The following GUCY2F variants were observed in gnomAD, a reference collection of about 807,000 sequenced individuals.
The protein encoded by GUCY2F is retinal guanylyl cyclase 2.
Under a neutral mutation model 73.1 loss-of-function variants are expected in GUCY2F, and 61 were observed. The ratio of observed to expected loss-of-function variants is 0.83; its 90% confidence interval spans 0.68 to 1.03. The LOEUF is 1.03. GUCY2F is among the 50% of genes least tolerant of loss of function. GUCY2F has a pLI of 0.00. For missense variants in GUCY2F, 912 were observed against 854.3 expected, an observed-to-expected ratio of 1.07 and a Z score of -0.84; for synonymous variants, 331 against 307.8, an observed-to-expected ratio of 1.08 and a Z score of -0.79.
chrX:109,375,756 A>G, intron 19 of GUCY2F, 142 bp downstream of exon 19: 3 of 514,028 alleles, frequency 5.8e-6, no homozygotes, highest in Non-Finnish European at 1.0e-5. Flanking sequence ...GTTTTCACCC[A>G]TTTTATTAGA....
At position 109,453,759 on chromosome X, in the gene GUCY2F, A is replaced by T. The variant is rs748101818; in HGVS notation, c.1133T>A (p.Leu378Gln). 2 of 1,200,596 alleles carry T rather than the reference A, an allele frequency of 1.7e-6. No homozygotes were observed. Among genetic ancestry groups the T allele is most frequent in the African/African-American group, 3.5e-5 (2 of 57,148 alleles). The part of the protein sequence containing the change: ...KENGQAGAAS[L>Q]VQHSRNMQFH... ...CTGCATGTTTCTGGAATGCTGAACCAGGCTGGCAGCACCAGCCTGTCCATT... is the reference window on the plus strand; with the variant it reads ...CTGCATGTTTCTGGAATGCTGAACCTGGCTGGCAGCACCAGCCTGTCCATT... Residue 378 changes from leucine (L) to glutamine (Q), a missense_variant, in exon 4 of 20, where the codon CTG becomes CAG. By Grantham distance (113) the Leu-to-Gln change is moderately radical. Transcript: ENST00000218006.
At chrX:109,450,142 C>G (rs970635302) in intron 5 of GUCY2F, among the ~76,000 whole-genome samples, 1 of 110,810 alleles carries the variant, frequency 9.0e-6, no homozygotes, top group Non-Finnish European at 1.9e-5. Context: ...TCTTTCCCAT[C>G]TCTGAGTTTT....
At chrX:109,452,202 C>T in intron 4 of GUCY2F, 95 bp from the exon 5 acceptor site, 2 of 552,323 alleles carry the variant, frequency 3.6e-6, no homozygotes, top group Non-Finnish European at 6.3e-6. Context: ...TTTCTGGTGA[C>T]TCTAATATCA....
At chrX:109,425,958 T>C (rs186912063) in intron 8 of GUCY2F, among the ~76,000 whole-genome samples, 102 of 111,264 alleles carry the variant, frequency 9.2e-4, no homozygotes, top group African/African-American at 3.2e-3. Flanking sequence ...AGCTTTGATG[T>C]ATGGGTGGTA....
At chrX:109,410,194 G>A (rs2147261312) in intron 8 of GUCY2F, among the ~76,000 whole-genome samples, 1 of 112,224 alleles carries the variant, frequency 8.9e-6, no homozygotes, top group African/African-American at 3.2e-5. Context: ...TGTTACAGCA[G>A]CAGTAGAAAA....
At chrX:109,466,538 A>C (rs1001834819) in intron 2 of GUCY2F, among the ~76,000 whole-genome samples, 1 of 111,689 alleles carries the variant, frequency 9.0e-6, no homozygotes, top group Admixed American at 9.5e-5. Context: ...CATGAGACTG[A>C]AAGTCTTATA....
At chrX:109,415,089 G>GA (rs1206168466) in intron 8 of GUCY2F, among the ~76,000 whole-genome samples, 8 of 108,562 alleles carry the variant, frequency 7.4e-5, no homozygotes, top group Admixed American at 3.9e-4. Context: ...TAGAAAAATT[G>GA]AAAAAATATA....
chrX:109,434,496 G>A (rs906548291), intron 7 of GUCY2F, among the ~76,000 whole-genome samples: 3 of 109,187 alleles, frequency 2.7e-5, no homozygotes, highest in Non-Finnish European at 3.8e-5. Flanking sequence ...CTGCTACTCC[G>A]GGCACCTTAT....
chrX:109,404,186 A>G, intron 10 of GUCY2F, 142 bp downstream of exon 10: 1 of 485,519 alleles, frequency 2.1e-6, no homozygotes, highest in Non-Finnish European at 3.5e-6. Context: ...ACTTCATTCA[A>G]GTCCCTTGGC....
At chrX:109,479,903 A>G (rs1042510584) in intron 1 of GUCY2F, among the ~76,000 whole-genome samples, 3 of 111,624 alleles carry the variant, frequency 2.7e-5, no homozygotes, top group Non-Finnish European at 5.6e-5. Context: ...GGGAGAGTAT[A>G]AGGGCCTGGC....
At chrX:109,419,929 T>C (rs1361574209) in intron 8 of GUCY2F, among the ~76,000 whole-genome samples, 1 of 109,905 alleles carries the variant, frequency 9.1e-6, no homozygotes, top group Non-Finnish European at 1.9e-5. Context: ...TCTATAGTTA[T>C]GATAACCAAC....
rs752231708 is a variant in GUCY2F, at chrX:109,475,454, G to T, written c.483C>A (p.Ser161Arg). Residue 161 changes from serine to arginine, a missense_variant, in exon 2 of 20, where the codon AGC becomes AGA. Physicochemically the swap from Ser to Arg is moderately radical, Grantham distance 110. Transcript: ENST00000218006. ...GGAGTGTCCGAGAAAAGGTCGGGTA[G>T]CTAATTTTATTGTCTAATTCATAAT... ...CVNYELDNKI[S>R]YPTFSRTLPS... is the part of the protein sequence containing the mutation. 1.4e-5 allele frequency: 17 copies of T among 1,209,595 alleles called. No individual in the cohort carries two copies. Among genetic ancestry groups the T allele is most frequent in the Middle Eastern group, 2.3e-4 (1 of 4,376 alleles).
chrX:109,480,575 C>G lies in GUCY2F; in HGVS notation c.-86+1291G>C, dbSNP rs1932758551. On this transcript the variant is annotated intron_variant, in intron 1 of 19. Coordinates refer to ENST00000218006, the MANE Select transcript of GUCY2F (RefSeq NM_001522.3). Reference sequence around the variant, plus strand: ...GTAACTCCTAAGCACAATGCCCACCCCAAATTCTAAAAAGTTAGATTTTTT... The same window carrying G: ...GTAACTCCTAAGCACAATGCCCACCGCAAATTCTAAAAAGTTAGATTTTTT... 3.6e-5 allele frequency among the ~76,000 whole-genome samples: 4 copies of G among 111,262 alleles called. No homozygotes were observed. The South Asian group carries it at 1.1e-3, about 32-fold the overall frequency.
At position 109,452,071 on chromosome X, in the gene GUCY2F, G is replaced by T. The variant is rs1243906800; in HGVS notation, c.1424C>A (p.Thr475Asn). The change falls in exon 5 of 20, where the codon ACT (threonine) becomes AAT (asparagine). Residue 475 changes from threonine to asparagine, a missense_variant. Coordinates refer to ENST00000218006, the MANE Select transcript of GUCY2F (RefSeq NM_001522.3). ...DPAFAMMVCL[T>N]LLIALLSING... ...AATAGACAGCAGGGCTATAAGCAAAGTAAGGCAGACCATCATGGCAAAGGC... is the reference window on the plus strand; with the variant it reads ...AATAGACAGCAGGGCTATAAGCAAATTAAGGCAGACCATCATGGCAAAGGC... 3.5e-6 allele frequency: 4 copies of T among 1,133,732 alleles called. No homozygotes were observed. The highest frequency in any genetic ancestry group is 4.8e-6 in the Non-Finnish European group (4 of 825,888). 93.4% of individuals were successfully genotyped at this position (1,133,732 alleles called of 1,213,427 possible). A position where few individuals can be genotyped will look rare whatever the true frequency, so the allele number is the denominator to read the frequency against.
In GUCY2F at chrX:109,475,689, A is replaced by AT; in HGVS notation, c.247dup (p.Ile83AsnfsTer8). ...CAGGTCAAAAGATGGGTCCCGGTTG[A>AT]TTCGCTCAATGGCTAATCGCGCAGC... is the stretch of plus-strand genomic sequence containing the variant. On this transcript the variant is annotated frameshift_variant, in exon 2 of 20. Transcript: ENST00000218006. LOFTEE classifies it high-confidence loss of function. The AT allele has an allele frequency of 1.7e-6, 2 of 1,209,599 alleles. No individual in the cohort carries two copies. The highest frequency in any genetic ancestry group is 3.5e-5 in the South Asian group (2 of 56,773).
At chrX:109,479,848 C>T (rs766848025) in intron 1 of GUCY2F, among the ~76,000 whole-genome samples, 27 of 110,608 alleles carry the variant, frequency 2.4e-4, no homozygotes, top group East Asian at 2.3e-3. Context: ...AACAAACACA[C>T]GTTGAGAAGT....
intron 13 of GUCY2F, 118 bp from the exon 14 acceptor site, chrX:109,392,221 G>C (rs1052872638): frequency 7.9e-6 from 4 of 508,210 alleles, no homozygotes; most frequent in African/African-American, 7.1e-5. Context: ...TGATGAGGAA[G>C]AAAGTGTTAC....
rs760483652 is a variant in GUCY2F at position 109,373,766 on chromosome X, G to A, written c.*2-767C>T. Among the ~76,000 whole-genome samples the A allele has an allele frequency of 1.1e-4, 12 of 112,961 alleles. No individual in the cohort carries two copies. The South Asian group carries it at 4.3e-3, about 41-fold the overall frequency. Reference sequence around the variant, plus strand: ...AAAAAGCACATCTATGATTAAAAGAGGGGGCTTGTCAGCCCAAAATTAACC... The same window carrying A: ...AAAAAGCACATCTATGATTAAAAGAAGGGGCTTGTCAGCCCAAAATTAACC... On this transcript the variant is annotated intron_variant, in intron 19 of 19. Transcript: ENST00000218006.
intron 9 of GUCY2F, among the ~76,000 whole-genome samples, chrX:109,408,599 G>T (rs1931027983): frequency 8.9e-6 from 1 of 112,367 alleles, no homozygotes; most frequent in Non-Finnish European, 1.9e-5. Context: ...CACGTGTAGT[G>T]GGAGGGACCC....
Sources: gnomAD v4.1 joint callset for allele counts (sites outside exome capture counted in the v4.1 genomes callset) on GRCh38, gnomAD v4.1.1 for gene constraint, MANE v1.5 for transcripts, NCBI Gene and HGNC (gene_info 2026-07-23, HGNC 2026-07-21) for gene names.